The following KDM7A variants were observed in gnomAD, a reference collection of about 807,000 sequenced individuals.
KDM7A encodes lysine demethylase 7A, also known as lysine-specific demethylase 7A.
A neutral mutation model predicts 114.8 loss-of-function variants in KDM7A; 28 were observed. That is an observed-to-expected ratio of 0.24 (90% CI 0.18 to 0.33). The LOEUF (loss-of-function observed/expected upper bound fraction) is 0.33, where lower values mean the gene tolerates loss of function less well. Among genes scored for constraint, KDM7A ranks in the 10% least tolerant of loss-of-function variants. KDM7A has a pLI of 1.00. For synonymous variants in KDM7A, 423 were observed against 397.8 expected, an observed-to-expected ratio of 1.06 and a Z score of -0.75; for missense variants, 942 against 1,142.5, an observed-to-expected ratio of 0.82 and a Z score of 2.53.
At chr7:140,115,809 AAAAT>A (rs1326835963) in intron 9 of KDM7A, among the ~76,000 whole-genome samples, 35 of 132,122 alleles carry the variant, frequency 2.6e-4, no homozygotes, top group East Asian at 1.2e-3. Flanking sequence ...AAATTTAAAA[AAAAT>A]AAATAAATAA....
Position 140,090,872 on chromosome 7 carries a change from T to A in KDM7A, c.*222A>T. 1 of 494,794 alleles carries A rather than the reference T, an allele frequency of 2.0e-6. No individual in the cohort carries two copies. 30.7% of individuals were successfully genotyped at this position (494,794 alleles called of 1,614,324 possible). A position where few individuals can be genotyped will look rare whatever the true frequency, so the allele number is the denominator to read the frequency against. ...CCCTTTCCAGTTCAAGGTCTCTTTT[T>A]AAGGTTCTACCCTCCTTCTTCCTCT... On this transcript the variant is annotated 3_prime_UTR_variant, in exon 20 of 20. Transcript: ENST00000397560.
At chr7:140,149,594 C>A (rs183395056) in intron 1 of KDM7A, among the ~76,000 whole-genome samples, 2 of 152,334 alleles carry the variant, frequency 1.3e-5, no homozygotes, top group East Asian at 3.9e-4. Context: ...AGCCTACTTT[C>A]TGCCTACCTG....
At position 140,129,928 on chromosome 7, in the gene KDM7A, A is replaced by G. The variant is rs956072636; in HGVS notation, c.399-275T>C. Among the ~76,000 whole-genome samples the G allele has an allele frequency of 3.3e-5, 5 of 152,370 alleles. No homozygotes were observed. In the South Asian group the frequency reaches 1.0e-3, roughly 32 times the overall value. On this transcript the variant is annotated intron_variant, in intron 3 of 19. Transcript: ENST00000397560. ...GCAAAAAGAAAAAACCAACCAGTTT[A>G]TAGTAAAATATGTACAAGTTGAGTA... is the stretch of plus-strand genomic sequence containing the variant.
intron 11 of KDM7A, among the ~76,000 whole-genome samples, chr7:140,103,396 G>A (rs1391833298): frequency 6.6e-6 from 1 of 151,534 alleles, no homozygotes; most frequent in Non-Finnish European, 1.5e-5. Context: ...CATGTGCCAT[G>A]TTGGTGTGCT....
chr7:140,162,027 T>A (rs1381848445), intron 1 of KDM7A, among the ~76,000 whole-genome samples: 1 of 151,968 alleles, frequency 6.6e-6, no homozygotes, highest in Non-Finnish European at 1.5e-5. Context: ...ACTGCACACA[T>A]CAAACTGTTA....
intron 9 of KDM7A, among the ~76,000 whole-genome samples, chr7:140,116,274 A>G (rs10229851): frequency 0.21 from 29,794 of 141,736 alleles, 3,560 homozygotes; most frequent in East Asian, 0.33. Flanking sequence ...GTGTGTGTGT[A>G]TATCATAGTA....
At chr7:140,098,043 GTAGA>G (rs1196774504) in intron 14 of KDM7A, among the ~76,000 whole-genome samples, 5 of 152,136 alleles carry the variant, frequency 3.3e-5, no homozygotes, top group African/African-American at 1.2e-4. Context: ...ACGCATTCAC[GTAGA>G]TAGTGAATTC....
chr7:140,097,898 T>C (rs62491381), intron 14 of KDM7A, among the ~76,000 whole-genome samples: 9,405 of 152,340 alleles, frequency 0.062, 369 homozygotes, highest in Non-Finnish European at 0.09. Flanking sequence ...CTTACTTGGA[T>C]GGATTGACTG....
chr7:140,171,346 G>A (rs1369443482), intron 1 of KDM7A, among the ~76,000 whole-genome samples: 1 of 151,082 alleles, frequency 6.6e-6, no homozygotes, highest in African/African-American at 2.4e-5. Flanking sequence ...GCAAGTGCCT[G>A]TAATCCCAGC....
chr7:140,173,171 AAG>A (rs1385202993), intron 1 of KDM7A, among the ~76,000 whole-genome samples: 1 of 152,178 alleles, frequency 6.6e-6, no homozygotes, highest in Non-Finnish European at 1.5e-5. Context: ...TACGTCCACC[AAG>A]AACTCAGGGA....
chr7:140,096,859 C>G, intron 16 of KDM7A, 40 bp downstream of exon 16: 1 of 1,598,846 alleles, frequency 6.3e-7, no homozygotes, highest in Non-Finnish European at 8.6e-7. Context: ...TAGTATTTAC[C>G]TTACAATATA....
chr7:140,103,647 T>C (rs1484622387), intron 11 of KDM7A, among the ~76,000 whole-genome samples: 3 of 152,178 alleles, frequency 2.0e-5, no homozygotes, highest in Admixed American at 2.0e-4. Flanking sequence ...GAACTCATCC[T>C]TTTTTTGGCT....
intron 2 of KDM7A, among the ~76,000 whole-genome samples, chr7:140,138,367 T>C (rs1562955884): frequency 2.0e-5 from 3 of 152,036 alleles, no homozygotes; most frequent in Admixed American, 6.6e-5. Context: ...ATTTGCACAA[T>C]AACAACATTT....
chr7:140,129,543 A>G lies in KDM7A; in HGVS notation c.509T>C (p.Leu170Pro). The change falls in exon 4 of 20, where the codon CTC becomes CCC. Residue 170 changes from leucine (L) to proline (P), a missense_variant. Around this residue, in one of 4 missense-constraint regions of KDM7A, gnomAD observed 318 missense variants for 453.1 expected, o/e 0.70. Coordinates refer to ENST00000397560, the MANE Select transcript of KDM7A (RefSeq NM_030647.2). ...IMVPKLDDLGLRLPSPTFSVM... is the reference protein window; with the variant it reads ...IMVPKLDDLGPRLPSPTFSVM... The stretch of plus-strand genomic sequence containing the variant: ...AGAAAATGTAGGTGAAGGGAGCCTG[A>G]GTCCTAGATCATCTAATTTTGGGAC... 1 of 1,613,614 alleles carries G rather than the reference A, an allele frequency of 6.2e-7. No homozygotes were observed. The highest frequency in any genetic ancestry group is 8.5e-7 in the Non-Finnish European group (1 of 1,179,578).
intron 7 of KDM7A, among the ~76,000 whole-genome samples, chr7:140,120,840 CAA>C (rs950577413): frequency 3.3e-5 from 5 of 152,156 alleles, no homozygotes; most frequent in Admixed American, 2.6e-4. Flanking sequence ...CTCCTGGCCT[CAA>C]AGTCATCCTC....
chr7:140,127,637 T>C, intron 4 of KDM7A, 54 bp from the exon 5 acceptor site: 4 of 1,415,832 alleles, frequency 2.8e-6, no homozygotes. Flanking sequence ...CATCAGCAGA[T>C]GCTCTAATCA....
intron 1 of KDM7A, among the ~76,000 whole-genome samples, chr7:140,175,681 G>A (rs1794695120): frequency 6.6e-6 from 1 of 152,172 alleles, no homozygotes; most frequent in African/African-American, 2.4e-5. Context: ...CACACGAGTC[G>A]GCGGCCTGGC....
In KDM7A at chr7:140,088,980, T is replaced by C. The variant is rs777401658; in HGVS notation, c.*2114A>G. 1 of 152,328 alleles carries C rather than the reference T, an allele frequency of 6.6e-6. No homozygotes were observed. The highest frequency in any genetic ancestry group is 1.5e-5 in the Non-Finnish European group (1 of 68,172). 9.4% of individuals were successfully genotyped at this position (152,328 alleles called of 1,614,324 possible). A position where few individuals can be genotyped will look rare whatever the true frequency, so the allele number is the denominator to read the frequency against. ...GGAAAAAAGAAAACCCAGATCATGA[T>C]ATAACACGAAAAGGAAATTATAGCT... On this transcript the variant is annotated 3_prime_UTR_variant, in exon 20 of 20. Coordinates refer to ENST00000397560, the MANE Select transcript of KDM7A (RefSeq NM_030647.2).
At position 140,086,792 on chromosome 7, in the gene KDM7A, C is replaced by G. The variant is rs151242384; in HGVS notation, c.*4302G>C. ...GTCTCCTTTATTTACCAGCGACACT[C>G]TGTCTAGGCTAAAGATCTGATGATC... On this transcript the variant is annotated 3_prime_UTR_variant, in exon 20 of 20. Coordinates refer to ENST00000397560, the MANE Select transcript of KDM7A (RefSeq NM_030647.2). 9 of 152,264 alleles carry G rather than the reference C, an allele frequency of 5.9e-5. No individual in the cohort carries two copies. The highest frequency in any genetic ancestry group is 1.7e-4 in the African/African-American group (7 of 41,544). 9.4% of individuals were successfully genotyped at this position (152,264 alleles called of 1,614,324 possible). A position where few individuals can be genotyped will look rare whatever the true frequency, so the allele number is the denominator to read the frequency against.
Sources: gnomAD v4.1 joint callset for allele counts (sites outside exome capture counted in the v4.1 genomes callset) on GRCh38, gnomAD v4.1.1 for gene constraint, gnomAD v4.1.1 regional missense constraint, MANE v1.5 for transcripts, NCBI Gene and HGNC (gene_info 2026-07-23, HGNC 2026-07-21) for gene names.